Variants in TLCD4 observed in about 807,000 individuals in gnomAD.
TLCD4 encodes TLC domain-containing protein 4.
A neutral mutation model predicts 24.2 loss-of-function variants in TLCD4; 7 were observed. That is an observed-to-expected ratio of 0.29 (90% CI 0.16 to 0.54). TLCD4 has a LOEUF of 0.54. Among genes scored for constraint, TLCD4 ranks in the 20% least tolerant of loss-of-function variants. The pLI is 0.95. For synonymous variants in TLCD4, 103 were observed against 106.4 expected (o/e 0.97, Z 0.20); for missense variants, 259 against 313.9 (o/e 0.82, Z 1.32).
chr1:95,099,150 A>G, the TLCD4 span, among the ~76,000 whole-genome samples: 2 of 149,716 alleles, frequency 1.3e-5, no homozygotes, highest in African/African-American at 4.9e-5. Context: ...CTATTTGGTC[A>G]GGCACGGTGG....
the TLCD4 span, among the ~76,000 whole-genome samples, chr1:95,105,893 T>TCAAAAAAAAAAAAAAAAAAAAAAAAA: frequency 6.8e-5 from 7 of 102,852 alleles, 3 homozygotes; most frequent in Non-Finnish European, 1.0e-4. Flanking sequence ...AGACTCCGTC[T>TCAAAAAAAAAAAAAAAAAAAAAAAAA]TAAAAAAAAA....
At chr1:95,136,052 A>AT (rs577868762) in intron 1 of TLCD4, among the ~76,000 whole-genome samples, 30 of 138,978 alleles carry the variant, frequency 2.2e-4, no homozygotes, top group East Asian at 8.2e-4. Context: ...TTTTTTTTTT[A>AT]TTTTTTTTTA....
At chr1:95,137,321 T>A (rs1557681187) in intron 1 of TLCD4, among the ~76,000 whole-genome samples, 2 of 152,148 alleles carry the variant, frequency 1.3e-5, no homozygotes, top group Non-Finnish European at 2.9e-5. Flanking sequence ...GGGGCATTCT[T>A]CCCAGCTTCC....
chr1:95,169,132 C>G (rs1571766156), intron 5 of TLCD4, among the ~76,000 whole-genome samples: 1 of 152,212 alleles, frequency 6.6e-6, no homozygotes, highest in Admixed American at 6.5e-5. Context: ...CTCACTTTAA[C>G]GTACCTTGGA....
At chr1:95,120,660 G>T (rs1676544616) in intron 1 of TLCD4, among the ~76,000 whole-genome samples, 2 of 152,318 alleles carry the variant, frequency 1.3e-5, no homozygotes, top group East Asian at 3.9e-4. Flanking sequence ...CAGACAGCGG[G>T]ACCAATATCA....
At chr1:95,143,760 T>C in intron 1 of TLCD4, 131 bp from the exon 2 acceptor site, 3 of 892,392 alleles carry the variant, frequency 3.4e-6, no homozygotes, top group African/African-American at 1.7e-5. Context: ...AAAATTCTTA[T>C]AGTTTATATT....
At chr1:95,142,423 G>C (rs1348113162) in intron 1 of TLCD4, among the ~76,000 whole-genome samples, 1 of 151,886 alleles carries the variant, frequency 6.6e-6, no homozygotes, top group Non-Finnish European at 1.5e-5. Flanking sequence ...TAGCGGTGGA[G>C]GGTGTTCAGG....
chr1:95,184,323 C>T lies in TLCD4; in HGVS notation c.474-7227C>T, dbSNP rs995195725. On this transcript the variant is annotated intron_variant, in intron 6 of 6. Transcript: ENST00000370203. Reference sequence around the variant, plus strand: ...TCAACAAACCAGTGCCATCAAGGATCAATTATTTGTCCCTGTCCTCTTTTC... The same window carrying T: ...TCAACAAACCAGTGCCATCAAGGATTAATTATTTGTCCCTGTCCTCTTTTC... Among the ~76,000 whole-genome samples the T allele has an allele frequency of 4.1e-5, 6 of 147,704 alleles. No homozygotes were observed. The Admixed American group carries it at 4.2e-4, about 10-fold the overall frequency.
At chr1:95,190,106 T>C (rs1457729084) in intron 6 of TLCD4, among the ~76,000 whole-genome samples, 1 of 151,696 alleles carries the variant, frequency 6.6e-6, no homozygotes, top group East Asian at 1.9e-4. Context: ...CTTTTTTTTT[T>C]TTTTCTTTTT....
At chr1:95,179,174 A>T (rs1244485090) in intron 6 of TLCD4, among the ~76,000 whole-genome samples, 1 of 152,260 alleles carries the variant, frequency 6.6e-6, no homozygotes, top group Non-Finnish European at 1.5e-5. Context: ...AAATAAAATT[A>T]AAAATTCAAT....
intron 5 of TLCD4, among the ~76,000 whole-genome samples, chr1:95,167,569 G>A (rs1421918137): frequency 6.6e-6 from 1 of 152,036 alleles, no homozygotes. Context: ...ACCAAGCTCT[G>A]TGCCAAAGGG....
At chr1:95,104,190 C>A in the TLCD4 span, among the ~76,000 whole-genome samples, 6 of 152,290 alleles carry the variant, frequency 3.9e-5, no homozygotes, top group East Asian at 1.2e-3. Flanking sequence ...TCTCCCTCAG[C>A]CACAGAACTT....
chr1:95,179,598 A>G (rs1342811420), intron 6 of TLCD4, among the ~76,000 whole-genome samples: 3 of 152,228 alleles, frequency 2.0e-5, no homozygotes, highest in African/African-American at 7.2e-5. Flanking sequence ...TCTCTCTTCT[A>G]TATTATTATC....
upstream of TLCD4, among the ~76,000 whole-genome samples, chr1:95,113,182 ACAGG>A (rs1453567317): frequency 1.3e-5 from 2 of 151,710 alleles, no homozygotes; most frequent in African/African-American, 4.8e-5. Flanking sequence ...AGCTGGGATT[ACAGG>A]CGTGCGCCAC....
At chr1:95,163,603 C>T (rs1374793795) in intron 5 of TLCD4, 1 of 152,174 alleles carries the variant, frequency 6.6e-6, no homozygotes, top group Non-Finnish European at 1.5e-5. Context: ...GAATTTTCAG[C>T]TTTTCTGCTC....
At chr1:95,104,558 G>A in the TLCD4 span, among the ~76,000 whole-genome samples, 2 of 151,096 alleles carry the variant, frequency 1.3e-5, no homozygotes, top group Admixed American at 6.6e-5. Flanking sequence ...CCAGCTACTC[G>A]GGAGGCTGAG....
intron 6 of TLCD4, among the ~76,000 whole-genome samples, chr1:95,185,667 C>A (rs1448075522): frequency 1.3e-5 from 2 of 152,186 alleles, no homozygotes; most frequent in African/African-American, 4.8e-5. Flanking sequence ...CATATATTTT[C>A]TTTTCTTTAT....
In TLCD4 at chr1:95,119,981, G is replaced by A. The variant is rs1450453070; in HGVS notation, c.-12+2364G>A. Reference sequence around the variant, plus strand: ...AGGAAGATAATGAATTAATTGTCTGGGTGAGAATTATGGGCATTTGGACAA... The same window carrying A: ...AGGAAGATAATGAATTAATTGTCTGAGTGAGAATTATGGGCATTTGGACAA... On this transcript the variant is annotated intron_variant, in intron 1 of 6. Transcript: ENST00000370203. 2.0e-5 allele frequency among the ~76,000 whole-genome samples: 3 copies of A among 152,252 alleles called. No homozygotes were observed. The South Asian group carries it at 6.2e-4, about 32-fold the overall frequency.
chr1:95,109,988 ATTTTT>A, the TLCD4 span, among the ~76,000 whole-genome samples: 1 of 129,516 alleles, frequency 7.7e-6, no homozygotes, highest in Non-Finnish European at 1.6e-5. Context: ...TGGTAAATTA[ATTTTT>A]TTCCTGCTCC....
Sources: gnomAD v4.1 joint callset for allele counts (sites outside exome capture counted in the v4.1 genomes callset) on GRCh38, gnomAD v4.1.1 for gene constraint, MANE v1.5 for transcripts, NCBI Gene and HGNC (gene_info 2026-07-23, HGNC 2026-07-21) for gene names.